ARID4B: variants seen among roughly 807,000 people sequenced by gnomAD.
ARID4B encodes the protein AT-rich interaction domain 4B.
In ARID4B, 26 loss-of-function variants were observed where a neutral mutation model predicts 147.5. That is an observed-to-expected ratio of 0.18 (90% CI 0.13 to 0.24). The LOEUF is 0.24. Ranked by LOEUF, ARID4B falls within the 10% of genes least tolerant of loss-of-function variation. The pLI is 1.00. For synonymous variants in ARID4B, 512 were observed against 507.9 expected (o/e 1.01, Z -0.11); for missense variants, 1,179 against 1,511.5 (o/e 0.78, Z 3.65).
At chr1:235,277,684 C>T (rs1226574643) in intron 2 of ARID4B, among the ~76,000 whole-genome samples, 1 of 148,326 alleles carries the variant, frequency 6.7e-6, no homozygotes, top group African/African-American at 2.5e-5. Context: ...TGACCTTGCC[C>T]AGCATCTTTC....
chr1:235,285,542 C>A (rs1157699340), intron 2 of ARID4B, among the ~76,000 whole-genome samples: 1 of 152,200 alleles, frequency 6.6e-6, no homozygotes, highest in Non-Finnish European at 1.5e-5. Context: ...CTTTTCCCTA[C>A]AATTAAGAAC....
intron 22 of ARID4B, among the ~76,000 whole-genome samples, chr1:235,173,249 C>T (rs1355966882): frequency 6.6e-6 from 1 of 152,030 alleles, no homozygotes; most frequent in Non-Finnish European, 1.5e-5. Context: ...GAGGCTGGGG[C>T]AGGATAATCG....
chr1:235,254,518 G>GA (rs1669830953), intron 5 of ARID4B, among the ~76,000 whole-genome samples: 2 of 151,668 alleles, frequency 1.3e-5, no homozygotes. Flanking sequence ...GAATACATTA[G>GA]AAAATAGATT....
intron 2 of ARID4B, among the ~76,000 whole-genome samples, chr1:235,267,880 A>T (rs1278556863): frequency 1.3e-5 from 2 of 151,958 alleles, no homozygotes; most frequent in Non-Finnish European, 2.9e-5. Flanking sequence ...CTCCAACCTG[A>T]GTGACGTGAG....
chr1:235,197,220 T>C (rs115517851), intron 17 of ARID4B, among the ~76,000 whole-genome samples: 2,177 of 152,318 alleles, frequency 0.014, 28 homozygotes, highest in Non-Finnish European at 0.02. Context: ...CATTCTCTTT[T>C]TGTGTTCAAA....
intron 2 of ARID4B, among the ~76,000 whole-genome samples, chr1:235,262,396 C>T (rs1233078161): frequency 6.6e-6 from 1 of 152,140 alleles, no homozygotes. Flanking sequence ...AGGAAAATGC[C>T]TATTCATCAG....
intron 8 of ARID4B, among the ~76,000 whole-genome samples, chr1:235,236,492 TTGTG>T (rs111585112): frequency 0.33 from 48,747 of 146,748 alleles, 8,461 homozygotes; most frequent in Non-Finnish European, 0.37. Context: ...TACAAAACAG[TTGTG>T]TGTGTGTGTG....
At chr1:235,205,619 A>G (rs1483707997) in intron 17 of ARID4B, among the ~76,000 whole-genome samples, 1 of 152,254 alleles carries the variant, frequency 6.6e-6, no homozygotes, top group Admixed American at 6.5e-5. Flanking sequence ...AACATTTGCA[A>G]TCATGTATCT....
chr1:235,179,706 CT>C lies in ARID4B; in HGVS notation c.3335-1794del, dbSNP rs144417289. On this transcript the variant is annotated intron_variant, in intron 20 of 23. Transcript: ENST00000264183. The stretch of plus-strand genomic sequence containing the variant: ...AGTCTATTAGCAGAGAAGATATCCT[CT>C]TTTTTTTTGTTGTTAATTTTAATCT... Among the ~76,000 whole-genome samples the C allele has an allele frequency of 2.4e-3, 355 of 150,802 alleles. 2 individuals carry two copies. The Middle Eastern group carries it at 0.024, about 10-fold the overall frequency.
intron 18 of ARID4B, among the ~76,000 whole-genome samples, chr1:235,194,711 C>T (rs1665371157): frequency 6.6e-6 from 1 of 151,918 alleles, no homozygotes; most frequent in Non-Finnish European, 1.5e-5. Flanking sequence ...CCCAGCTACT[C>T]GGGAGGCTGA....
At chr1:235,255,300 T>TAC (rs760399517) in intron 5 of ARID4B, among the ~76,000 whole-genome samples, 5,929 of 150,608 alleles carry the variant, frequency 0.039, 194 homozygotes, top group Middle Eastern at 0.089. Context: ...TATATATATA[T>TAC]ACACAGTTAA....
At chr1:235,234,041 T>G (rs1668406776) in intron 9 of ARID4B, among the ~76,000 whole-genome samples, 1 of 152,194 alleles carries the variant, frequency 6.6e-6, no homozygotes, top group Admixed American at 6.5e-5. Context: ...ACTGCACCAC[T>G]GCACTCCAGC....
chr1:235,173,760 AAAAAAAAAAAAATATATAT>A (rs1252775978), intron 22 of ARID4B, among the ~76,000 whole-genome samples: 2 of 52,812 alleles, frequency 3.8e-5, no homozygotes, highest in African/African-American at 1.0e-4. Context: ...AAAAAAAAAA[AAAAAAAAAAAAATATATAT>A]ATATATATAT....
At position 235,182,603 on chromosome 1, in the gene ARID4B, G is replaced by T. The variant is rs769524598; in HGVS notation, c.2316C>A (p.Ser772=). The T allele has an allele frequency of 6.2e-7, 1 of 1,613,308 alleles. No individual in the cohort carries two copies. Among genetic ancestry groups the T allele is most frequent in the Non-Finnish European group, 8.5e-7 (1 of 1,179,840 alleles). Residue 772 remains serine, a synonymous_variant, in exon 20 of 24, where the codon TCC becomes TCA. Coordinates refer to ENST00000264183, the MANE Select transcript of ARID4B (RefSeq NM_016374.6). ...TTTCTGGAGATTTTGACACTGGTTTGGATATTACCAAATCTGCATGAACTT... is the reference window on the plus strand; with the variant it reads ...TTTCTGGAGATTTTGACACTGGTTTTGATATTACCAAATCTGCATGAACTT... The part of the protein sequence containing the change: ...ENKVHADLVI[S]KPVSKSPERL...
intron 19 of ARID4B, among the ~76,000 whole-genome samples, chr1:235,185,092 T>C (rs969583699): frequency 3.9e-5 from 6 of 152,198 alleles, no homozygotes; most frequent in Non-Finnish European, 7.3e-5. Context: ...ACTGGGATTA[T>C]AGGCATGAGC....
Position 235,214,002 on chromosome 1 carries a change from ATCTTCT to A in ARID4B, c.1602_1607del (p.Glu534_Glu535del), listed in dbSNP as rs770605679. On this transcript the variant is annotated inframe_deletion, in exon 17 of 24. Transcript: ENST00000264183. ...CCTCTTCTGCTTCTTCATCATCTTC[ATCTTCT>A]TCTTTATTCGTTTCATCTCTTGAAA... The A allele has an allele frequency of 6.3e-7, 1 of 1,590,540 alleles. No individual in the cohort carries two copies. The highest frequency in any genetic ancestry group is 1.4e-5 in the African/African-American group (1 of 74,024).
Position 235,285,932 on chromosome 1 carries a change from A to C in ARID4B, c.7-25180T>G, listed in dbSNP as rs76265826. ...GATTCCTTACACAAGTGTTTTTCAA[A>C]CTGAGCCACAACCTATTAATTACTA... On this transcript the variant is annotated intron_variant, in intron 2 of 23. Coordinates refer to ENST00000264183, the MANE Select transcript of ARID4B (RefSeq NM_016374.6). Among the ~76,000 whole-genome samples the C allele has an allele frequency of 8.9e-3, 1,354 of 152,330 alleles. 20 individuals are homozygous for C. Among genetic ancestry groups the C allele is most frequent in the African/African-American group, 0.031 (1,306 of 41,562 alleles).
At chr1:235,237,390 T>C (rs1031044069) in intron 8 of ARID4B, among the ~76,000 whole-genome samples, 2 of 152,164 alleles carry the variant, frequency 1.3e-5, no homozygotes, top group African/African-American at 4.8e-5. Context: ...TACATATAGG[T>C]ATCCACTAAA....
intron 8 of ARID4B, among the ~76,000 whole-genome samples, chr1:235,239,520 T>C (rs1236392821): frequency 6.6e-6 from 1 of 152,232 alleles, no homozygotes; most frequent in Non-Finnish European, 1.5e-5. Context: ...CCGTGAAAGA[T>C]ATTAGTATAT....
Sources: gnomAD v4.1 joint callset for allele counts (sites outside exome capture counted in the v4.1 genomes callset) on GRCh38, gnomAD v4.1.1 for gene constraint, MANE v1.5 for transcripts, NCBI Gene and HGNC (gene_info 2026-07-23, HGNC 2026-07-21) for gene names.